CES5A: variants seen among roughly 807,000 people sequenced by gnomAD.
The protein encoded by CES5A is carboxylesterase 5.
CES5A carries 67 observed loss-of-function variants against 62.9 expected under a neutral mutation model. The ratio of observed to expected loss-of-function variants is 1.07; its 90% confidence interval spans 0.88 to 1.31. The LOEUF is 1.31. Among genes scored for constraint, CES5A ranks in the 50% most tolerant of loss-of-function variants. CES5A has a pLI of 0.00. For missense variants in CES5A, 748 were observed against 708.5 expected (o/e 1.06, Z -0.63); for synonymous variants, 296 against 280.8 (o/e 1.05, Z -0.54).
intron 2 of CES5A, among the ~76,000 whole-genome samples, chr16:55,935,873 C>T (rs1438144666): frequency 6.6e-6 from 1 of 152,062 alleles, no homozygotes; most frequent in African/African-American, 2.4e-5. Flanking sequence ...ACAGGCATGC[C>T]TTCCAACTGT....
chr16:55,943,861 T>G (rs2034468535), intron 2 of CES5A, among the ~76,000 whole-genome samples: 1 of 152,150 alleles, frequency 6.6e-6, no homozygotes, highest in East Asian at 1.9e-4. Flanking sequence ...AGTTTCCCCA[T>G]CTTTCATACA....
intron 1 of CES5A, among the ~76,000 whole-genome samples, chr16:55,893,788 A>C (rs1380351004): frequency 6.6e-6 from 1 of 152,220 alleles, no homozygotes; most frequent in African/African-American, 2.4e-5. Flanking sequence ...GAGCAAAGAA[A>C]GAGAACAATG....
chr16:55,885,961 A>T (rs1488357625), intron 1 of CES5A, among the ~76,000 whole-genome samples: 2 of 152,232 alleles, frequency 1.3e-5, no homozygotes, highest in Non-Finnish European at 2.9e-5. Flanking sequence ...AAAGTTACAC[A>T]CACATGGCTG....
rs796695240 is a variant in CES5A, at chr16:55,912,139, A to T, written c.-256+13184T>A. On this transcript the variant is annotated intron_variant, in intron 1 of 12. Transcript: ENST00000518005. ...CTCATGGGCCTGACTGTCGGCATGC[A>T]GGCATCAGACAGGGAAGCAGGATTG... Among the ~76,000 whole-genome samples, 54 of 152,268 alleles carry T rather than the reference A, an allele frequency of 3.5e-4. 1 individual carries two copies. The highest frequency in any genetic ancestry group is 1.2e-3 in the African/African-American group (50 of 41,568).
At chr16:55,928,160 A>T (rs542073355), upstream of CES5A, among the ~76,000 whole-genome samples, 15 of 152,054 alleles carry the variant, frequency 9.9e-5, no homozygotes, top group African/African-American at 3.6e-4. Context: ...GGAGAATGGC[A>T]TGAACCCAGG....
chr16:55,946,332 C>G (rs1188946943), intron 2 of CES5A, among the ~76,000 whole-genome samples: 4 of 152,062 alleles, frequency 2.6e-5, no homozygotes, highest in Non-Finnish European at 5.9e-5. Context: ...GTTACCAGCT[C>G]CTGTGTCCTG....
Position 55,875,274 on chromosome 16 carries a change from G to A in CES5A, c.-53C>T. 1 of 1,596,608 alleles carries A rather than the reference G, an allele frequency of 6.3e-7. No homozygotes were observed. Among genetic ancestry groups the A allele is most frequent in the Non-Finnish European group, 8.5e-7 (1 of 1,171,774 alleles). On this transcript the variant is annotated 5_prime_UTR_variant, in exon 1 of 13. Coordinates refer to ENST00000290567, the MANE Select transcript of CES5A (RefSeq NM_001143685.2). ...ATTGACGGCGGCTGCTGGCCTCAGA[G>A]AGCTTCAGTTGGGAGCCAGAAAGAG...
In CES5A at chr16:55,950,089, G is replaced by C. The variant is rs1366656868; in HGVS notation, c.43-187C>G. Among the ~76,000 whole-genome samples the C allele has an allele frequency of 2.0e-5, 3 of 152,074 alleles. No homozygotes were observed. In the South Asian group the frequency reaches 6.2e-4, roughly 31 times the overall value. On this transcript the variant is annotated intron_variant, in intron 1 of 13. Coordinates refer to the CES5A transcript ENST00000521992. ...GAAAAAGTTAGGAATGCCTGAAAGG[G>C]GAAAGGCAGATGGAGAAGACTGAAG...
At chr16:55,870,872 C>A (rs1278106743) in intron 3 of CES5A, among the ~76,000 whole-genome samples, 1 of 152,184 alleles carries the variant, frequency 6.6e-6, no homozygotes, top group Admixed American at 6.5e-5. Context: ...GAGAAGAAAG[C>A]CACTGAGGAA....
chr16:55,865,899 CTCA>C (rs2033446463), intron 5 of CES5A, 61 bp downstream of exon 5: 1 of 1,553,762 alleles, frequency 6.4e-7, no homozygotes. Context: ...ATGTTAGTGA[CTCA>C]TCATCATTTT....
intron 1 of CES5A, among the ~76,000 whole-genome samples, chr16:55,894,498 C>CA (rs370359945): frequency 0.29 from 29,443 of 102,826 alleles, 4,330 homozygotes; most frequent in Middle Eastern, 0.38. Context: ...AACTCTGTCT[C>CA]AAAAAAAAAA....
At chr16:55,944,184 G>T in intron 2 of CES5A, 1 of 694,012 alleles carries the variant, frequency 1.4e-6, no homozygotes, top group Non-Finnish European at 2.6e-6. Context: ...TTGGGTCCCA[G>T]TCCTGGTTCC....
chr16:55,873,080 T>C (rs1158900204), intron 2 of CES5A, among the ~76,000 whole-genome samples: 2 of 152,202 alleles, frequency 1.3e-5, no homozygotes, highest in African/African-American at 4.8e-5. Context: ...GAATTTCTTC[T>C]GCCAGGAACC....
chr16:55,886,983 G>C (rs539121502), intron 1 of CES5A, among the ~76,000 whole-genome samples: 1 of 152,268 alleles, frequency 6.6e-6, no homozygotes, highest in Admixed American at 6.5e-5. Context: ...ACTGGAAACA[G>C]CATAATAGAA....
intron 2 of CES5A, among the ~76,000 whole-genome samples, chr16:55,931,821 G>A (rs1372965279): frequency 6.6e-6 from 1 of 152,162 alleles, no homozygotes; most frequent in East Asian, 1.9e-4. Context: ...CTTGCCTTGG[G>A]CATGCTGTGT....
At chr16:55,955,999 T>TGG (rs1274956067) in exon 1 of CES5A, 1 of 1,154,568 alleles carries the variant, frequency 8.7e-7, no homozygotes, top group Non-Finnish European at 1.2e-6. Flanking sequence ...AAAAGTCAAA[T>TGG]GAGTTCACCA....
intron 1 of CES5A, among the ~76,000 whole-genome samples, chr16:55,901,180 T>TA (rs1489436298): frequency 6.6e-6 from 1 of 152,186 alleles, no homozygotes; most frequent in Non-Finnish European, 1.5e-5. Context: ...CTGATGGTTT[T>TA]ATAAAGGGGA....
chr16:55,945,389 C>T (rs111652963), intron 2 of CES5A, among the ~76,000 whole-genome samples: 2,293 of 152,340 alleles, frequency 0.015, 73 homozygotes, highest in African/African-American at 0.052. Flanking sequence ...ACTCCAGGAG[C>T]GCTGCCTTCA....
At chr16:55,901,429 A>G (rs2033989732) in intron 1 of CES5A, among the ~76,000 whole-genome samples, 1 of 152,242 alleles carries the variant, frequency 6.6e-6, no homozygotes. Context: ...CCTTGGAGGC[A>G]TCTTATTAAA....
Sources: allele counts gnomAD v4.1 joint callset (sites outside exome capture counted in the v4.1 genomes callset), GRCh38; gene constraint gnomAD v4.1.1; transcripts MANE v1.5; gene names NCBI Gene and HGNC (gene_info 2026-07-23, HGNC 2026-07-21).